Variants in TENM3 observed in about 807,000 individuals in gnomAD.
TENM3 encodes teneurin transmembrane protein 3.
A neutral mutation model predicts 255.1 loss-of-function variants in TENM3; 63 were observed. The ratio of observed to expected loss-of-function variants is 0.25; its 90% CI spans 0.20 to 0.30. TENM3 has a LOEUF of 0.30. Among genes scored for constraint, TENM3 ranks in the 10% least tolerant of loss-of-function variants. The pLI is 1.00. For synonymous variants in TENM3, 1,306 were observed against 1,322.3 expected (o/e 0.99, Z 0.27); for missense variants, 2,929 against 3,461.1 (o/e 0.85, Z 3.86).
At chr4:182,064,152 G>A in the TENM3 span, among the ~76,000 whole-genome samples, 1 of 149,218 alleles carries the variant, frequency 6.7e-6, no homozygotes, top group Admixed American at 6.7e-5. Context: ...ATTTAAATGA[G>A]ATAATGCATG....
intron 3 of TENM3, among the ~76,000 whole-genome samples, chr4:182,596,105 C>T (rs768638347): frequency 6.6e-5 from 10 of 152,170 alleles, no homozygotes; most frequent in Admixed American, 2.6e-4. Flanking sequence ...CCTTGAAGTA[C>T]GTGCTTAGTG....
the TENM3 span, among the ~76,000 whole-genome samples, chr4:182,054,243 G>A: frequency 5.9e-5 from 9 of 151,930 alleles, no homozygotes; most frequent in South Asian, 2.1e-4. Flanking sequence ...GCCCATCTCC[G>A]TATAACCCAG....
the TENM3 span, among the ~76,000 whole-genome samples, chr4:181,967,815 G>A: frequency 2.0e-5 from 3 of 152,104 alleles, no homozygotes; most frequent in African/African-American, 7.2e-5. Context: ...CGTGGCTGGC[G>A]TTGTTCAGTT....
At chr4:182,667,252 G>A (rs1754778237) in intron 6 of TENM3, among the ~76,000 whole-genome samples, 1 of 152,118 alleles carries the variant, frequency 6.6e-6, no homozygotes, top group African/African-American at 2.4e-5. Flanking sequence ...GTGCAGTGGT[G>A]TGATCTCGGC....
At chr4:182,734,882 A>G (rs929917124) in intron 16 of TENM3, among the ~76,000 whole-genome samples, 1 of 152,238 alleles carries the variant, frequency 6.6e-6, no homozygotes, top group East Asian at 1.9e-4. Flanking sequence ...GGAAATACAT[A>G]TAATATTCGT....
chr4:181,815,583 G>T, the TENM3 span, among the ~76,000 whole-genome samples: 1 of 151,602 alleles, frequency 6.6e-6, no homozygotes, highest in Non-Finnish European at 1.5e-5. Flanking sequence ...AAATATAGAG[G>T]TTAATTAAAA....
At chr4:182,051,849 AAT>A in the TENM3 span, among the ~76,000 whole-genome samples, 1 of 152,176 alleles carries the variant, frequency 6.6e-6, no homozygotes, top group African/African-American at 2.4e-5. Flanking sequence ...TCATTGCAAT[AAT>A]TGAATTACCT....
At chr4:182,242,248 C>T (rs961231962), upstream of TENM3, among the ~76,000 whole-genome samples, 3 of 152,020 alleles carry the variant, frequency 2.0e-5, no homozygotes, top group Non-Finnish European at 4.4e-5. Context: ...GTAATGTTCC[C>T]CTTCCTGTGT....
chr4:182,128,242 T>C, the TENM3 span, among the ~76,000 whole-genome samples: 3 of 152,180 alleles, frequency 2.0e-5, no homozygotes, highest in Non-Finnish European at 2.9e-5. Context: ...CCTTTTTTTT[T>C]CTATGTAGGC....
chr4:181,659,330 C>G, the TENM3 span, among the ~76,000 whole-genome samples: 5 of 151,990 alleles, frequency 3.3e-5, no homozygotes, highest in Non-Finnish European at 7.4e-5. Flanking sequence ...CTACTTTGAC[C>G]GCTTTACTTT....
intron 3 of TENM3, among the ~76,000 whole-genome samples, chr4:182,447,444 A>G (rs2045404): frequency 0.23 from 34,373 of 152,192 alleles, 4,068 homozygotes; most frequent in Middle Eastern, 0.29. Flanking sequence ...AAAAAGCGAC[A>G]AAAGTCAAGG....
At chr4:182,711,822 T>G (rs951041210) in intron 12 of TENM3, among the ~76,000 whole-genome samples, 1 of 152,164 alleles carries the variant, frequency 6.6e-6, no homozygotes, top group Non-Finnish European at 1.5e-5. Context: ...TGTAAAAGCG[T>G]TAGTTTTCTC....
At chr4:182,701,105 TA>T (rs969996824) in intron 12 of TENM3, among the ~76,000 whole-genome samples, 2 of 149,690 alleles carry the variant, frequency 1.3e-5, no homozygotes, top group Non-Finnish European at 2.9e-5. Flanking sequence ...TGGTTAAACA[TA>T]AGCAATCTAA....
chr4:182,707,157 T>C (rs1275539454), intron 12 of TENM3, among the ~76,000 whole-genome samples: 1 of 152,198 alleles, frequency 6.6e-6, no homozygotes, highest in Non-Finnish European at 1.5e-5. Flanking sequence ...TTGATTGTTC[T>C]CTTTTCCTGT....
chr4:182,597,179 G>T (rs1032714448), intron 3 of TENM3, among the ~76,000 whole-genome samples: 1 of 152,156 alleles, frequency 6.6e-6, no homozygotes, highest in African/African-American at 2.4e-5. Context: ...TCCGCGGGAG[G>T]ATCGCTTGAG....
chr4:182,471,062 T>C (rs577094062), intron 3 of TENM3, among the ~76,000 whole-genome samples: 1 of 152,346 alleles, frequency 6.6e-6, no homozygotes, highest in Admixed American at 6.5e-5. Context: ...TTCTGCCTAT[T>C]TTCTTGTGGA....
the TENM3 span, among the ~76,000 whole-genome samples, chr4:181,780,737 T>C: frequency 0.45 from 68,487 of 151,964 alleles, 15,526 homozygotes; most frequent in Admixed American, 0.47. Flanking sequence ...ATGGTATTGC[T>C]TAGGTTTTCT....
At position 182,476,576 on chromosome 4, in the gene TENM3, GTATC is replaced by G. The variant is rs567294619; in HGVS notation, c.512-124344_512-124341del. ...TATAGAAACATACATGTGTGTATAT[GTATC>G]TATATATTTGGACACACATATATTT... is the stretch of plus-strand genomic sequence containing the variant. On this transcript the variant is annotated intron_variant, in intron 3 of 27. Coordinates refer to ENST00000511685, the MANE Select transcript of TENM3 (RefSeq NM_001080477.4). Among the ~76,000 whole-genome samples, 121 of 152,242 alleles carry G rather than the reference GTATC, an allele frequency of 7.9e-4. 1 individual carries two copies. The highest frequency in any genetic ancestry group is 7.8e-3 in the Admixed American group (119 of 15,292).
At chr4:182,739,413 C>T (rs972627443) in intron 18 of TENM3, among the ~76,000 whole-genome samples, 2 of 152,032 alleles carry the variant, frequency 1.3e-5, no homozygotes, top group South Asian at 4.1e-4. Context: ...AAAGCAGGAC[C>T]GTAAGTTAAT....
Sources: allele counts gnomAD v4.1 joint callset (sites outside exome capture counted in the v4.1 genomes callset), GRCh38; gene constraint gnomAD v4.1.1; transcripts MANE v1.5; gene names NCBI Gene and HGNC (gene_info 2026-07-23, HGNC 2026-07-21).